EPHA6: variants seen among roughly 807,000 people sequenced by gnomAD.
EPHA6 encodes the protein ephrin type-A receptor 6.
In EPHA6, 50 loss-of-function variants were observed where a neutral mutation model predicts 112.0. The observed-to-expected ratio is 0.45, with a 90% CI of 0.36 to 0.56. The LOEUF (loss-of-function observed/expected upper bound fraction) is 0.56. Among genes scored for constraint, EPHA6 ranks in the 20% least tolerant of loss-of-function variants. The pLI is 0.00. For missense variants in EPHA6, 1,280 were observed against 1,417.4 expected (o/e 0.90, Z 1.56); for synonymous variants, 529 against 490.7 (o/e 1.08, Z -1.03).
intron 10 of EPHA6, among the ~76,000 whole-genome samples, chr3:97,511,449 C>T (rs2092363431): frequency 6.6e-6 from 1 of 152,172 alleles, no homozygotes; most frequent in South Asian, 2.1e-4. Context: ...TCCTCGACCC[C>T]TTGCACTTCC....
At chr3:97,007,997 T>G (rs756967473) in intron 3 of EPHA6, among the ~76,000 whole-genome samples, 8 of 152,220 alleles carry the variant, frequency 5.3e-5, no homozygotes, top group Non-Finnish European at 1.2e-4. Context: ...GGGCTTCCCT[T>G]TGTAGGTAAC....
At chr3:97,207,790 A>T (rs1172748821) in intron 3 of EPHA6, among the ~76,000 whole-genome samples, 2 of 152,134 alleles carry the variant, frequency 1.3e-5, no homozygotes. Context: ...TCCAGTAGAA[A>T]CACTTGTTAT....
At chr3:97,251,527 CA>C (rs549197962) in intron 5 of EPHA6, among the ~76,000 whole-genome samples, 3,045 of 146,198 alleles carry the variant, frequency 0.021, 91 homozygotes, top group African/African-American at 0.07. Context: ...GACTCCGTCT[CA>C]AAAAAAAAAT....
intron 11 of EPHA6, among the ~76,000 whole-genome samples, chr3:97,549,907 A>G (rs894669950): frequency 3.3e-5 from 5 of 152,210 alleles, no homozygotes; most frequent in African/African-American, 1.2e-4. Context: ...GGGCTTAAAA[A>G]TTCAATAATC....
intron 2 of EPHA6, among the ~76,000 whole-genome samples, chr3:96,914,187 T>TTA (rs1023665278): frequency 6.6e-6 from 1 of 152,144 alleles, no homozygotes; most frequent in African/African-American, 2.4e-5. Context: ...GACCTGCTGT[T>TTA]TATAATTTGT....
intron 3 of EPHA6, among the ~76,000 whole-genome samples, chr3:97,164,273 G>T (rs914595210): frequency 6.6e-6 from 1 of 152,072 alleles, no homozygotes; most frequent in Non-Finnish European, 1.5e-5. Flanking sequence ...TGCTCTCTTT[G>T]CTGTTGGAAT....
intron 6 of EPHA6, among the ~76,000 whole-genome samples, chr3:97,422,137 CAAA>C (rs34312259): frequency 0.045 from 4,625 of 103,434 alleles, 177 homozygotes; most frequent in African/African-American, 0.13. Flanking sequence ...AATAGTCTCT[CAAA>C]AAAAAAAAAA....
intron 13 of EPHA6, among the ~76,000 whole-genome samples, chr3:97,634,802 G>A (rs1032798669): frequency 2.6e-5 from 4 of 152,086 alleles, no homozygotes; most frequent in Non-Finnish European, 5.9e-5. Flanking sequence ...GCACTGAACT[G>A]TAACCTGCTG....
chr3:97,122,266 CGTT>C (rs970585681), intron 3 of EPHA6, among the ~76,000 whole-genome samples: 1 of 152,054 alleles, frequency 6.6e-6, no homozygotes, highest in African/African-American at 2.4e-5. Flanking sequence ...TATCAACAAT[CGTT>C]GTGCTTGAGG....
chr3:97,652,395 C>A (rs1576207803), intron 14 of EPHA6, among the ~76,000 whole-genome samples: 1 of 152,044 alleles, frequency 6.6e-6, no homozygotes, highest in African/African-American at 2.4e-5. Flanking sequence ...GTTATTTCTT[C>A]CTGGCTAATG....
At chr3:97,089,707 G>A (rs72920218) in intron 3 of EPHA6, among the ~76,000 whole-genome samples, 1,942 of 152,166 alleles carry the variant, frequency 0.013, 42 homozygotes, top group African/African-American at 0.043. Context: ...ATCTTACATT[G>A]CTATTCACGT....
At chr3:96,986,677 T>C (rs2043033440) in intron 2 of EPHA6, among the ~76,000 whole-genome samples, 1 of 152,174 alleles carries the variant, frequency 6.6e-6, no homozygotes, top group South Asian at 2.1e-4. Flanking sequence ...ATTGTCTCTC[T>C]TCCCTCCAAA....
intron 3 of EPHA6, among the ~76,000 whole-genome samples, chr3:97,087,439 GAA>G (rs1195149069): frequency 6.6e-6 from 1 of 152,142 alleles, no homozygotes; most frequent in Non-Finnish European, 1.5e-5. Flanking sequence ...TCCTTGAACT[GAA>G]AGCTGATTTA....
rs13079400 is a variant in EPHA6 at position 97,072,447 on chromosome 3, G to A, written c.1114+84454G>A. Among the ~76,000 whole-genome samples the A allele has an allele frequency of 9.0e-3, 1,375 of 152,178 alleles. 7 individuals are homozygous for A. Among genetic ancestry groups the A allele is most frequent in the Non-Finnish European group, 0.015 (1,008 of 67,988 alleles). ...AACATCATCTATAACTAAGAAACTA[G>A]GAGGGAGGCACGGAACAGATTCTTT... On this transcript the variant is annotated intron_variant, in intron 3 of 17. Coordinates refer to ENST00000389672, the MANE Select transcript of EPHA6 (RefSeq NM_001080448.3).
intron 13 of EPHA6, among the ~76,000 whole-genome samples, chr3:97,634,515 C>T (rs976060273): frequency 2.6e-5 from 4 of 151,912 alleles, no homozygotes; most frequent in Admixed American, 6.6e-5. Context: ...AAGATGTGCA[C>T]GCAGGAACTT....
rs528062379 is a variant in EPHA6 at position 97,326,456 on chromosome 3, G to T, written c.1607-78694G>T. ...ACTAGCTTAGTAGTGATTAAGCAAG[G>T]GGGAAAATGACTTAATCATGAAAAT... On this transcript the variant is annotated intron_variant, in intron 5 of 17. Transcript: ENST00000389672. Among the ~76,000 whole-genome samples the T allele has an allele frequency of 1.3e-4, 19 of 151,562 alleles. No individual in the cohort carries two copies. In the South Asian group the frequency reaches 2.1e-3, roughly 17 times the overall value.
At position 97,241,755 on chromosome 3, in the gene EPHA6, GTT is replaced by G. The variant is rs553996537; in HGVS notation, c.1271-2183_1271-2182del. Among the ~76,000 whole-genome samples the G allele has an allele frequency of 5.5e-3, 646 of 116,906 alleles. 3 individuals carry two copies. Among genetic ancestry groups the G allele is most frequent in the African/African-American group, 0.015 (548 of 35,568 alleles). The allele number at this position is 116,906 out of a possible 152,430, so 76.7% of individuals were successfully genotyped here. A position where few individuals can be genotyped will look rare whatever the true frequency, so the allele number is the denominator to read the frequency against. ...GAGTAAGAAGGGTGTCAGCCTTCTT[GTT>G]TTTTTTTTTTTTTGTTTTTTTTTTT... On this transcript the variant is annotated intron_variant, in intron 4 of 17. Coordinates refer to ENST00000389672, the MANE Select transcript of EPHA6 (RefSeq NM_001080448.3).
chr3:97,380,596 G>A (rs2085669536), intron 5 of EPHA6, among the ~76,000 whole-genome samples: 1 of 152,044 alleles, frequency 6.6e-6, no homozygotes, highest in Non-Finnish European at 1.5e-5. Context: ...GATATACAAT[G>A]GATACCCATT....
intron 5 of EPHA6, among the ~76,000 whole-genome samples, chr3:97,245,925 C>G (rs754695896): frequency 6.6e-5 from 10 of 151,944 alleles, no homozygotes; most frequent in Non-Finnish European, 1.2e-4. Flanking sequence ...CATAAATTCA[C>G]TTTGCTGATA....
Sources: gnomAD v4.1 joint callset for allele counts (sites outside exome capture counted in the v4.1 genomes callset) on GRCh38, gnomAD v4.1.1 for gene constraint, MANE v1.5 for transcripts, NCBI Gene and HGNC (gene_info 2026-07-23, HGNC 2026-07-21) for gene names.